Variants in MAGI1 observed in about 807,000 individuals in gnomAD.
The protein encoded by MAGI1 is membrane-associated guanylate kinase, WW and PDZ domain-containing protein 1.
MAGI1 carries 58 observed loss-of-function variants against 139.9 expected under a neutral mutation model. That is an observed-to-expected ratio of 0.41 (90% CI 0.34 to 0.52). The LOEUF is 0.52. MAGI1 is among the 20% of genes least tolerant of loss of function. The probability of loss-of-function intolerance (pLI) is 0.12; values close to 1 mark genes in which losing one functional copy is unlikely to be tolerated. For missense variants in MAGI1, 1,874 were observed against 1,901.6 expected (o/e 0.99, Z 0.27); for synonymous variants, 812 against 737.9 (o/e 1.10, Z -1.63).
chr3:65,984,411 G>C (rs1019882723), intron 1 of MAGI1, among the ~76,000 whole-genome samples: 1 of 152,080 alleles, frequency 6.6e-6, no homozygotes, highest in African/African-American at 2.4e-5. Flanking sequence ...TGTTGATACT[G>C]GGATGTAAGT....
chr3:65,693,719 TTTG>T (rs1325472571), intron 1 of MAGI1, among the ~76,000 whole-genome samples: 5 of 151,814 alleles, frequency 3.3e-5, no homozygotes, highest in Admixed American at 3.3e-4. Context: ...GTTTTTGTTT[TTTG>T]TTGTTGTTGT....
chr3:65,667,545 T>C (rs1313058698), intron 1 of MAGI1, among the ~76,000 whole-genome samples: 2 of 152,302 alleles, frequency 1.3e-5, no homozygotes, highest in Non-Finnish European at 2.9e-5. Flanking sequence ...ATGAATTCTA[T>C]ACTCTTAAAG....
chr3:65,497,801 A>AT (rs1210861651), intron 2 of MAGI1, among the ~76,000 whole-genome samples: 2 of 152,192 alleles, frequency 1.3e-5, no homozygotes, highest in African/African-American at 2.4e-5. Context: ...AAAATGCTAC[A>AT]TTTCAGCAGA....
Position 66,037,988 on chromosome 3 carries a change from T to C in MAGI1, c.313+8A>G. ...CGGGGCGCCCCCCAAAGGCGCGCCC[T>C]GCCTTACCTTGTCTGACGGCCTTGA... On this transcript the variant is annotated splice_region_variant and intron_variant, in intron 1 of 22. Coordinates refer to ENST00000402939, the MANE Select transcript of MAGI1 (RefSeq NM_001033057.2). 6.5e-7 allele frequency: 1 copy of C among 1,542,060 alleles called. No individual in the cohort carries two copies. The highest frequency in any genetic ancestry group is 1.2e-5 in the South Asian group (1 of 80,170).
chr3:65,936,966 G>A (rs1038947995), intron 1 of MAGI1, among the ~76,000 whole-genome samples: 307 of 150,540 alleles, frequency 2.0e-3, no homozygotes, highest in African/African-American at 6.4e-3. Context: ...GGTGGTGGTG[G>A]TGGTGATGGT....
At chr3:65,479,306 G>C (rs1158220877) in intron 3 of MAGI1, among the ~76,000 whole-genome samples, 1 of 152,114 alleles carries the variant, frequency 6.6e-6, no homozygotes, top group Non-Finnish European at 1.5e-5. Flanking sequence ...CGCCTCTTTA[G>C]CTGAATGGCA....
intron 5 of MAGI1, among the ~76,000 whole-genome samples, chr3:65,462,117 G>C (rs1156999328): frequency 6.6e-6 from 1 of 152,040 alleles, no homozygotes; most frequent in Non-Finnish European, 1.5e-5. Context: ...AAGCTCTTTA[G>C]CTTAACTAGA....
chr3:65,442,523 G>C (rs1255774273), intron 8 of MAGI1, among the ~76,000 whole-genome samples: 2 of 152,012 alleles, frequency 1.3e-5, no homozygotes, highest in Non-Finnish European at 2.9e-5. Context: ...TTAAGTACCT[G>C]CCATATACCA....
intron 12 of MAGI1, among the ~76,000 whole-genome samples, chr3:65,423,209 G>C (rs142727480): frequency 3.9e-5 from 6 of 152,294 alleles, no homozygotes; most frequent in African/African-American, 1.4e-4. Flanking sequence ...GAGACATTGT[G>C]GCAGTCAAGC....
chr3:65,847,539 T>C lies in MAGI1; in HGVS notation c.313+190457A>G, dbSNP rs185033876. ...AATTTTATTTTTATCCATATGGAGATAGTCTCATCTCTAGTGCATTTTCTT... is the reference window on the plus strand; with the variant it reads ...AATTTTATTTTTATCCATATGGAGACAGTCTCATCTCTAGTGCATTTTCTT... On this transcript the variant is annotated intron_variant, in intron 1 of 22. Transcript: ENST00000402939. Among the ~76,000 whole-genome samples, 56 of 152,360 alleles carry C rather than the reference T, an allele frequency of 3.7e-4. No individual in the cohort carries two copies. In the East Asian group the frequency reaches 6.0e-3, roughly 16 times the overall value.
intron 1 of MAGI1, among the ~76,000 whole-genome samples, chr3:65,759,399 A>G (rs565085441): frequency 3.3e-5 from 5 of 152,366 alleles, no homozygotes; most frequent in African/African-American, 9.6e-5. Context: ...TGCTTAGCAC[A>G]AAAGAAGCAC....
chr3:65,697,133 A>G (rs987269974), intron 1 of MAGI1, among the ~76,000 whole-genome samples: 1 of 152,176 alleles, frequency 6.6e-6, no homozygotes, highest in Non-Finnish European at 1.5e-5. Flanking sequence ...GAAGAAATGG[A>G]TAAATTCCTC....
intron 14 of MAGI1, among the ~76,000 whole-genome samples, chr3:65,390,019 C>T (rs1943777675): frequency 6.6e-6 from 1 of 152,174 alleles, no homozygotes; most frequent in South Asian, 2.1e-4. Context: ...CCTCACTGCC[C>T]CATTTTGCTT....
chr3:65,731,260 T>A (rs2034158519), intron 1 of MAGI1, among the ~76,000 whole-genome samples: 1 of 152,128 alleles, frequency 6.6e-6, no homozygotes, highest in South Asian at 2.1e-4. Flanking sequence ...ATGTCAGACA[T>A]ACATAAAAGG....
chr3:65,425,007 T>C (rs1292477163), intron 12 of MAGI1, among the ~76,000 whole-genome samples: 1 of 150,630 alleles, frequency 6.6e-6, no homozygotes, highest in African/African-American at 2.4e-5. Context: ...GCCCAGGAGT[T>C]TGAGGTTGTG....
intron 5 of MAGI1, 34 bp downstream of exon 5, chr3:65,470,249 G>C: frequency 6.9e-7 from 1 of 1,454,020 alleles, no homozygotes; most frequent in Non-Finnish European, 9.6e-7. Flanking sequence ...AAGAAAGAGA[G>C]AGAGATTTAG....
intron 1 of MAGI1, among the ~76,000 whole-genome samples, chr3:65,950,044 C>CAAAAAAAAA (rs143046732): frequency 6.0e-5 from 3 of 49,768 alleles, no homozygotes; most frequent in Non-Finnish European, 1.0e-4. Context: ...GCCAGATCAT[C>CAAAAAAAAA]AAAAAAAAAA....
intron 1 of MAGI1, among the ~76,000 whole-genome samples, chr3:65,664,823 T>A (rs1178791500): frequency 6.6e-6 from 1 of 152,220 alleles, no homozygotes; most frequent in East Asian, 1.9e-4. Flanking sequence ...GTCTATTTAG[T>A]GCCATTCTTT....
chr3:65,968,964 G>A (rs980616160), intron 1 of MAGI1, among the ~76,000 whole-genome samples: 1 of 152,182 alleles, frequency 6.6e-6, no homozygotes, highest in African/African-American at 2.4e-5. Flanking sequence ...GAGCATATTT[G>A]TAGACCAAGT....
Sources: allele counts gnomAD v4.1 joint callset (sites outside exome capture counted in the v4.1 genomes callset), GRCh38; gene constraint gnomAD v4.1.1; transcripts MANE v1.5; gene names NCBI Gene and HGNC (gene_info 2026-07-23, HGNC 2026-07-21).